The following ITPRID1 variants were observed in gnomAD, a reference collection of about 807,000 sequenced individuals.
The protein encoded by ITPRID1 is protein ITPRID1.
Under a neutral mutation model 95.4 loss-of-function variants are expected in ITPRID1, and 96 were observed. The ratio of observed to expected loss-of-function variants is 1.01; its 90% CI spans 0.85 to 1.19. The LOEUF (loss-of-function observed/expected upper bound fraction) is 1.19, where lower values mean the gene tolerates loss of function less well. ITPRID1 is among the 50% of genes most tolerant of loss of function. The pLI, the probability that ITPRID1 is intolerant of heterozygous loss-of-function variation, is 0.00. For missense variants in ITPRID1, 1,339 were observed against 1,252.9 expected (o/e 1.07, Z -1.04); for synonymous variants, 510 against 453.6 (o/e 1.12, Z -1.58).
intron 10 of ITPRID1, among the ~76,000 whole-genome samples, chr7:31,615,833 A>AAGCTCTGCCTCCTGGGTTCACGC: frequency 6.6e-6 from 1 of 151,294 alleles, no homozygotes; most frequent in South Asian, 2.1e-4. Flanking sequence ...GGCTCACTGC[A>AAGCTCTGCCTCCTGGGTTCACGC]AGCTCTGCCT....
chr7:31,523,116 C>T (rs1017240006), intron 1 of ITPRID1, among the ~76,000 whole-genome samples: 7 of 152,062 alleles, frequency 4.6e-5, no homozygotes, highest in Non-Finnish European at 7.4e-5. Flanking sequence ...AAGTAGATAC[C>T]CATGCTTAGT....
intron 5 of ITPRID1, among the ~76,000 whole-genome samples, chr7:31,555,556 A>G (rs1277104567): frequency 6.6e-6 from 1 of 150,604 alleles, no homozygotes; most frequent in Non-Finnish European, 1.5e-5. Context: ...AAAAAAAAAC[A>G]AAACCTGGCA....
In ITPRID1 at chr7:31,539,670, G is replaced by A. The variant is rs371396070; in HGVS notation, c.-97-9756G>A. 3.3e-5 allele frequency among the ~76,000 whole-genome samples: 5 copies of A among 152,280 alleles called. No individual in the cohort carries two copies. In the South Asian group the frequency reaches 8.3e-4, roughly 25 times the overall value. On this transcript the variant is annotated intron_variant, in intron 1 of 14. Transcript: ENST00000615280. ...GTCAAAGACAGGTTTGTTTTTTTTG[G>A]AGATAAACCTGAGAGGGGCTTCTGG...
chr7:31,639,069 G>T (rs11760985), intron 10 of ITPRID1, among the ~76,000 whole-genome samples: 114,390 of 152,046 alleles, frequency 0.75, 43,194 homozygotes, highest in East Asian at 0.83. Context: ...GAGCCACTGC[G>T]CCCAGCCAGT....
At chr7:31,633,581 C>T (rs113604248) in intron 10 of ITPRID1, among the ~76,000 whole-genome samples, 2,070 of 152,268 alleles carry the variant, frequency 0.014, 56 homozygotes, top group African/African-American at 0.047. Context: ...TTCACACTAC[C>T]GCCCATTGTC....
Position 31,651,251 on chromosome 7 carries a change from A to T in ITPRID1, c.2693A>T (p.Asp898Val). 1 of 1,613,442 alleles carries T rather than the reference A, an allele frequency of 6.2e-7. No individual in the cohort carries two copies. Among genetic ancestry groups the T allele is most frequent in the South Asian group, 1.1e-5 (1 of 91,056 alleles). Residue 898 changes from aspartate (D) to valine (V), a missense_variant, in exon 13 of 15, where the codon GAC (aspartate) becomes GTC (valine). Asp to Val is a radical substitution (Grantham distance 152). Coordinates refer to ENST00000615280, the MANE Select transcript of ITPRID1 (RefSeq NM_001257967.3). ...GGACAGCAGGCCCTCTTTTCCAGGG[A>T]CATGTCAGAGGAGGAAAGGTAATTA... ...LMGQQALFSR[D>V]MSEEEREEAE...
chr7:31,627,683 A>T (rs893911222), intron 10 of ITPRID1, among the ~76,000 whole-genome samples: 6 of 144,866 alleles, frequency 4.1e-5, no homozygotes, highest in African/African-American at 1.5e-4. Flanking sequence ...AAAAAAAAAA[A>T]TTCAGTAAAC....
At chr7:31,632,752 T>G (rs886380628) in intron 10 of ITPRID1, among the ~76,000 whole-genome samples, 2 of 152,004 alleles carry the variant, frequency 1.3e-5, no homozygotes, top group African/African-American at 4.8e-5. Context: ...CCCAGCTGGG[T>G]GACAGGTTTT....
At chr7:31,615,111 A>G (rs1787080251) in intron 10 of ITPRID1, among the ~76,000 whole-genome samples, 1 of 152,240 alleles carries the variant, frequency 6.6e-6, no homozygotes, top group Non-Finnish European at 1.5e-5. Context: ...GCAAAATTCT[A>G]AAAGTTATAT....
chr7:31,526,286 A>C (rs1462533996), intron 1 of ITPRID1, among the ~76,000 whole-genome samples: 1 of 152,184 alleles, frequency 6.6e-6, no homozygotes, highest in Non-Finnish European at 1.5e-5. Flanking sequence ...TGACTTAACA[A>C]TTTTTCAACT....
intron 7 of ITPRID1, 65 bp downstream of exon 7, chr7:31,572,253 A>T: frequency 9.7e-7 from 1 of 1,033,254 alleles, no homozygotes. Flanking sequence ...ATTTCATGAA[A>T]TTATAAATAG....
chr7:31,636,138 T>TG, intron 10 of ITPRID1, among the ~76,000 whole-genome samples: 1 of 152,174 alleles, frequency 6.6e-6, no homozygotes. Flanking sequence ...AAGAATAGCA[T>TG]GGGGGTGGCA....
At chr7:31,639,541 T>TTTTTG in intron 10 of ITPRID1, among the ~76,000 whole-genome samples, 1 of 44,978 alleles carries the variant, frequency 2.2e-5, no homozygotes. Flanking sequence ...TGTTTTTGTT[T>TTTTTG]TTTTTTTTTT....
At chr7:31,521,153 C>G (rs1783237422) in intron 1 of ITPRID1, among the ~76,000 whole-genome samples, 6 of 151,698 alleles carry the variant, frequency 4.0e-5, no homozygotes, top group Admixed American at 3.3e-4. Context: ...CTCTACTTTC[C>G]TAAAGTAGAA....
chr7:31,527,918 G>GC (rs1783474208), intron 1 of ITPRID1, among the ~76,000 whole-genome samples: 1 of 152,084 alleles, frequency 6.6e-6, no homozygotes, highest in African/African-American at 2.4e-5. Flanking sequence ...TGTTCTATTT[G>GC]GAAGAGTTTT....
intron 10 of ITPRID1, among the ~76,000 whole-genome samples, chr7:31,586,968 T>G (rs1248103841): frequency 3.3e-5 from 5 of 152,096 alleles, no homozygotes; most frequent in Admixed American, 1.3e-4. Flanking sequence ...GTTTTTATGG[T>G]TTTAGGTCTA....
At chr7:31,575,211 G>T (rs181904996) in intron 8 of ITPRID1, among the ~76,000 whole-genome samples, 1 of 152,120 alleles carries the variant, frequency 6.6e-6, no homozygotes, top group Admixed American at 6.5e-5. Flanking sequence ...AATATGTACC[G>T]TAGCCACACA....
Position 31,651,956 on chromosome 7 carries a change from T to C in ITPRID1, c.2729T>C (p.Leu910Pro). The C allele has an allele frequency of 6.3e-7, 1 of 1,599,248 alleles. No individual in the cohort carries two copies. The highest frequency in any genetic ancestry group is 1.7e-5 in the Admixed American group (1 of 57,934). ...SEEEREEAEQ[L>P]QTLREALRQQ... ...ACTTGCAGGGAGGAGGCCGAGCAAC[T>C]GCAAACGTTACGTGAGGCCCTGAGG... The change falls in exon 14 of 15, where the codon CTG (leucine) becomes CCG (proline). Residue 910 changes from leucine to proline, a missense_variant. Transcript: ENST00000615280.
chr7:31,640,903 T>G (rs960887283), intron 10 of ITPRID1, among the ~76,000 whole-genome samples: 1 of 152,234 alleles, frequency 6.6e-6, no homozygotes, highest in South Asian at 2.1e-4. Flanking sequence ...CCTCTGATTT[T>G]TAGCTTTTAG....
Sources: allele counts gnomAD v4.1 joint callset (sites outside exome capture counted in the v4.1 genomes callset), GRCh38; gene constraint gnomAD v4.1.1; transcripts MANE v1.5; gene names NCBI Gene and HGNC (gene_info 2026-07-23, HGNC 2026-07-21).